The following CLXN variants were observed in gnomAD, a reference collection of about 807,000 sequenced individuals.
CLXN encodes calaxin.
chr8:48,711,938 T>A, the CLXN span: 1 of 152,228 alleles, frequency 6.6e-6, no homozygotes, highest in Non-Finnish European at 1.5e-5. Context: ...GCATGTAAAA[T>A]GCTTAGCCCA....
the CLXN span, among the ~76,000 whole-genome samples, chr8:48,733,373 A>G: frequency 1.3e-5 from 2 of 152,198 alleles, no homozygotes; most frequent in Non-Finnish European, 2.9e-5. Flanking sequence ...ACAATACTAA[A>G]TGAAACAAGA....
chr8:48,730,965 A>C, the CLXN span, among the ~76,000 whole-genome samples: 173 of 152,288 alleles, frequency 1.1e-3, 1 homozygote, highest in African/African-American at 4.1e-3. Flanking sequence ...TAAAATACTT[A>C]ATAGTTTTGT....
chr8:48,729,176 A>G, the CLXN span: 1 of 1,536,056 alleles, frequency 6.5e-7, no homozygotes, highest in South Asian at 1.2e-5. Flanking sequence ...GTTAGGCAAC[A>G]CGTAAAATGA....
the CLXN span, chr8:48,731,291 C>T: frequency 2.7e-6 from 4 of 1,508,438 alleles, no homozygotes; most frequent in African/African-American, 5.7e-5. Context: ...AGCACCAAAC[C>T]CTTTTTTTTT....
At chr8:48,720,406 G>C in the CLXN span, among the ~76,000 whole-genome samples, 1 of 152,104 alleles carries the variant, frequency 6.6e-6, no homozygotes, top group East Asian at 1.9e-4. Flanking sequence ...TGCATTCCTG[G>C]GGGAAGGTCT....
At chr8:48,726,995 TCATCCATCCATC>T in the CLXN span, among the ~76,000 whole-genome samples, 243 of 124,414 alleles carry the variant, frequency 2.0e-3, no homozygotes, top group African/African-American at 6.9e-3. Flanking sequence ...ATCCATCCAC[TCATCCATCCATC>T]CATCCATCCA....
the CLXN span, among the ~76,000 whole-genome samples, chr8:48,720,918 C>T: frequency 3.3e-5 from 5 of 152,204 alleles, no homozygotes; most frequent in African/African-American, 7.2e-5. Context: ...CTGACACTTA[C>T]GGAAAATAGA....
the CLXN span, among the ~76,000 whole-genome samples, chr8:48,712,664 A>G: frequency 6.6e-6 from 1 of 152,182 alleles, no homozygotes; most frequent in Non-Finnish European, 1.5e-5. Flanking sequence ...CTCATTAAGG[A>G]TGCCTCCATT....
chr8:48,726,112 CTCCATCCA>C, the CLXN span, among the ~76,000 whole-genome samples: 3,526 of 111,528 alleles, frequency 0.032, 71 homozygotes, highest in African/African-American at 0.048. Flanking sequence ...TACCCACCCA[CTCCATCCA>C]TCCATCCATC....
At chr8:48,721,342 T>G in the CLXN span, among the ~76,000 whole-genome samples, 1 of 151,968 alleles carries the variant, frequency 6.6e-6, no homozygotes, top group South Asian at 2.1e-4. Flanking sequence ...CTCATATTCA[T>G]GAATTGGAAG....
At chr8:48,730,581 A>G in the CLXN span, 1 of 1,612,036 alleles carries the variant, frequency 6.2e-7, no homozygotes, top group South Asian at 1.1e-5. Context: ...AAACAGTGAT[A>G]ATCCATGAAT....
chr8:48,729,868 C>A, the CLXN span: 1 of 1,603,104 alleles, frequency 6.2e-7, no homozygotes, highest in South Asian at 1.1e-5. Flanking sequence ...CACTTCAAAG[C>A]AATCTTTTTA....
the CLXN span, chr8:48,735,135 A>G: frequency 6.2e-7 from 1 of 1,614,068 alleles, no homozygotes; most frequent in Non-Finnish European, 8.5e-7. Context: ...CAGCTTCTGC[A>G]GTTTCTTGCG....
At chr8:48,723,159 G>A in the CLXN span, among the ~76,000 whole-genome samples, 2 of 152,182 alleles carry the variant, frequency 1.3e-5, no homozygotes, top group Non-Finnish European at 2.9e-5. Flanking sequence ...AAAAGAAAAT[G>A]GTAACTGTGT....
chr8:48,715,824 T>C, the CLXN span: 3 of 152,328 alleles, frequency 2.0e-5, no homozygotes, highest in Middle Eastern at 0.01. Context: ...TAGATATAAA[T>C]GCAAAGCTAC....
the CLXN span, among the ~76,000 whole-genome samples, chr8:48,733,233 T>G: frequency 6.6e-6 from 1 of 152,142 alleles, no homozygotes; most frequent in East Asian, 1.9e-4. Context: ...GCAGAGGGGA[T>G]GTTGGTTAGC....
the CLXN span, chr8:48,729,966 T>C: frequency 8.1e-7 from 1 of 1,232,330 alleles, no homozygotes; most frequent in Non-Finnish European, 1.1e-6. Flanking sequence ...ATCTTGATGC[T>C]GTACCCACAG....
the CLXN span, among the ~76,000 whole-genome samples, chr8:48,725,861 A>T: frequency 1.3e-5 from 2 of 152,098 alleles, no homozygotes; most frequent in Admixed American, 6.6e-5. Context: ...TCTAATCGGA[A>T]GGTTTCACTA....
At chr8:48,724,809 A>G in the CLXN span, 1 of 1,609,724 alleles carries the variant, frequency 6.2e-7, no homozygotes, top group Non-Finnish European at 8.5e-7. Flanking sequence ...GCTCTGTAAA[A>G]AAAGGTACTC....
Sources: gnomAD v4.1 joint callset for allele counts (sites outside exome capture counted in the v4.1 genomes callset) on GRCh38, gnomAD v4.1.1 for gene constraint, MANE v1.5 for transcripts, NCBI Gene and HGNC (gene_info 2026-07-23, HGNC 2026-07-21) for gene names.